Variants in UST observed in about 807,000 individuals in gnomAD.
UST encodes the protein chondroitin sulfate 2-O-sulfotransferase.
A neutral mutation model predicts 45.6 loss-of-function variants in UST; 21 were observed. The ratio of observed to expected loss-of-function variants is 0.46; its 90% CI spans 0.33 to 0.66. The LOEUF (loss-of-function observed/expected upper bound fraction) is 0.66. Ranked by LOEUF, UST falls within the 30% of genes least tolerant of loss-of-function variation. The pLI, the probability that UST is intolerant of heterozygous loss-of-function variation, is 0.02. For missense variants in UST, 463 were observed against 512.4 expected, an observed-to-expected ratio of 0.90 and a Z score of 0.93; for synonymous variants, 215 against 200.6, an observed-to-expected ratio of 1.07 and a Z score of -0.61.
chr6:148,772,718 C>T (rs904440623), intron 1 of UST, among the ~76,000 whole-genome samples: 1 of 152,006 alleles, frequency 6.6e-6, no homozygotes, highest in African/African-American at 2.4e-5. Flanking sequence ...CCACCGTGTC[C>T]AGCCCCTTCT....
At chr6:148,834,421 AT>A (rs144391000) in intron 1 of UST, among the ~76,000 whole-genome samples, 1,592 of 152,308 alleles carry the variant, frequency 0.01, 19 homozygotes, top group Admixed American at 0.021. Flanking sequence ...CCACTCATTC[AT>A]TTAGTCCTTG....
Position 148,887,011 on chromosome 6 carries a change from T to C in UST, c.273T>C (p.His91=), listed in dbSNP as rs147541593. Reference sequence around the variant, plus strand: ...GAAATTCCACTTACTTGGATGACCATGGACCACCTCCTAGTAAGGTAAGAT... The same window carrying C: ...GAAATTCCACTTACTTGGATGACCACGGACCACCTCCTAGTAAGGTAAGAT... The part of the protein sequence containing the change: ...YLGNSTYLDD[H]GPPPSKVLPF... Residue 91 remains histidine (H), a synonymous_variant, in exon 2 of 8, where the codon CAT becomes CAC. Coordinates refer to ENST00000367463, the MANE Select transcript of UST (RefSeq NM_005715.3). The C allele has an allele frequency of 1.1e-5, 18 of 1,613,044 alleles. No individual in the cohort carries two copies. Among genetic ancestry groups the C allele is most frequent in the Non-Finnish European group, 1.5e-5 (18 of 1,179,624 alleles).
At chr6:148,950,330 A>G (rs1313674477) in intron 3 of UST, among the ~76,000 whole-genome samples, 1 of 152,126 alleles carries the variant, frequency 6.6e-6, no homozygotes, top group African/African-American at 2.4e-5. Flanking sequence ...TGCCATTGTC[A>G]TTTGCTGTTG....
At chr6:148,862,365 T>A (rs1778336402) in intron 1 of UST, among the ~76,000 whole-genome samples, 1 of 152,220 alleles carries the variant, frequency 6.6e-6, no homozygotes, top group Non-Finnish European at 1.5e-5. Flanking sequence ...TCTTCCTCCA[T>A]CCCTTTATTT....
chr6:149,060,314 T>A (rs1776636032), intron 7 of UST, among the ~76,000 whole-genome samples: 1 of 152,306 alleles, frequency 6.6e-6, no homozygotes, highest in African/African-American at 2.4e-5. Context: ...TGTTCTTTTC[T>A]CCCTTCATGG....
In UST at chr6:148,867,285, T is replaced by TACACACAC. The variant is rs58093813; in HGVS notation, c.248-19665_248-19658dup. 2.1e-3 allele frequency among the ~76,000 whole-genome samples: 294 copies of TACACACAC among 136,834 alleles called. 2 individuals carry two copies. The highest frequency in any genetic ancestry group is 9.9e-3 in the East Asian group (42 of 4,222). The allele number at this position is 136,834 out of a possible 152,430, so 89.8% of individuals were successfully genotyped here. ...TACCTTTCTTTGAGGCATTGTTGAA[T>TACACACAC]ACACACACACACACACACACACACA... On this transcript the variant is annotated intron_variant, in intron 1 of 7. Coordinates refer to ENST00000367463, the MANE Select transcript of UST (RefSeq NM_005715.3).
chr6:149,006,883 A>ACTTT (rs1254259754), intron 5 of UST, among the ~76,000 whole-genome samples: 2 of 152,064 alleles, frequency 1.3e-5, no homozygotes, highest in African/African-American at 2.4e-5. Context: ...ACTTTCCATA[A>ACTTT]CCACAGAGTC....
At chr6:148,964,329 AG>A in intron 4 of UST, 80 bp from the exon 5 acceptor site, 1 of 1,537,876 alleles carries the variant, frequency 6.5e-7, no homozygotes, top group Non-Finnish European at 8.9e-7. Flanking sequence ...GTTAACCTAG[AG>A]GGAAGGGGAG....
intron 7 of UST, among the ~76,000 whole-genome samples, chr6:149,069,521 G>GC (rs1179830726): frequency 6.6e-6 from 1 of 152,008 alleles, no homozygotes; most frequent in African/African-American, 2.4e-5. Context: ...ATACCTCTTG[G>GC]CCATTTGTAT....
chr6:148,943,809 G>A (rs1329697175), intron 3 of UST, among the ~76,000 whole-genome samples: 1 of 152,110 alleles, frequency 6.6e-6, no homozygotes, highest in Admixed American at 6.6e-5. Context: ...CTATTAAATT[G>A]TAAGGCAGTT....
chr6:148,786,127 T>A (rs1352460885), intron 1 of UST, among the ~76,000 whole-genome samples: 1 of 152,146 alleles, frequency 6.6e-6, no homozygotes, highest in Non-Finnish European at 1.5e-5. Context: ...TATATGATTC[T>A]CTTTTCATTA....
chr6:149,049,800 T>C (rs1407065004), intron 7 of UST, among the ~76,000 whole-genome samples: 2 of 152,146 alleles, frequency 1.3e-5, no homozygotes, highest in Non-Finnish European at 2.9e-5. Context: ...TTTGTCCCTT[T>C]ACCAGCCCCT....
At chr6:148,764,470 A>T (rs1776280214) in intron 1 of UST, among the ~76,000 whole-genome samples, 1 of 152,152 alleles carries the variant, frequency 6.6e-6, no homozygotes, top group Non-Finnish European at 1.5e-5. Context: ...TCTAATTTGG[A>T]TGCCTTTTAT....
chr6:148,886,959 TC>T (rs771292081), intron 1 of UST, 26 bp from the exon 2 acceptor site: 1 of 1,599,438 alleles, frequency 6.3e-7, no homozygotes, highest in South Asian at 1.1e-5. Flanking sequence ...AAAAACGGAT[TC>T]ATCAACTTTT....
Position 148,929,521 on chromosome 6 carries a change from T to A in UST, c.292-11758T>A, listed in dbSNP as rs1383993963. On this transcript the variant is annotated intron_variant, in intron 2 of 7. Transcript: ENST00000367463. ...CATCATGAAACATAAGAAAAGCTAG[T>A]CTGAGGACAATGCTGGCATTTCCAG... Among the ~76,000 whole-genome samples, 3 of 152,148 alleles carry A rather than the reference T, an allele frequency of 2.0e-5. No individual in the cohort carries two copies. The East Asian group carries it at 5.8e-4, about 29-fold the overall frequency.
rs557743011 is a variant in UST at position 148,969,346 on chromosome 6, C to T, written c.681+4783C>T. Among the ~76,000 whole-genome samples the T allele has an allele frequency of 1.4e-4, 21 of 152,324 alleles. No homozygotes were observed. In the South Asian group the frequency reaches 1.5e-3, roughly 11 times the overall value. On this transcript the variant is annotated intron_variant, in intron 5 of 7. Transcript: ENST00000367463. ...CAAATACGTGACGGTAAGAAAGTTA[C>T]GCTCTTGGTCTTCAACTAGTTCAAA...
Position 148,841,304 on chromosome 6 carries a change from C to T in UST, c.248-45682C>T, listed in dbSNP as rs2114772986. Among the ~76,000 whole-genome samples, 3 of 152,132 alleles carry T rather than the reference C, an allele frequency of 2.0e-5. No homozygotes were observed. In the South Asian group the frequency reaches 6.2e-4, roughly 32 times the overall value. ...AAATTTCCATACCTGCATGTATTTA[C>T]ATAATTTCCTTCTCTTATGATTAAT... On this transcript the variant is annotated intron_variant, in intron 1 of 7. Coordinates refer to ENST00000367463, the MANE Select transcript of UST (RefSeq NM_005715.3).
intron 1 of UST, among the ~76,000 whole-genome samples, chr6:148,879,952 C>CTT (rs766758383): frequency 1.4e-4 from 17 of 119,850 alleles, no homozygotes; most frequent in South Asian, 5.0e-4. Context: ...TTTTTTTTTT[C>CTT]TTTTTTTTTT....
intron 7 of UST, among the ~76,000 whole-genome samples, chr6:149,066,946 ACACAGGAGAAAAT>A (rs1776740754): frequency 6.6e-6 from 1 of 152,084 alleles, no homozygotes; most frequent in South Asian, 2.1e-4. Context: ...ATAAAATGCT[ACACAGGAGAAAAT>A]CACAGGAGAG....
Sources: allele counts gnomAD v4.1 joint callset (sites outside exome capture counted in the v4.1 genomes callset), GRCh38; gene constraint gnomAD v4.1.1; transcripts MANE v1.5; gene names NCBI Gene and HGNC (gene_info 2026-07-23, HGNC 2026-07-21).